TCP11L1: variants seen among roughly 807,000 people sequenced by gnomAD.
TCP11L1 encodes T-complex protein 11-like protein 1.
In TCP11L1, 28 loss-of-function variants were observed where a neutral mutation model predicts 48.9. The ratio of observed to expected loss-of-function variants is 0.57; its 90% CI spans 0.42 to 0.78. The LOEUF is 0.78. Ranked by LOEUF, TCP11L1 falls within the 30% of genes least tolerant of loss-of-function variation. The pLI is 0.00. For synonymous variants in TCP11L1, 204 were observed against 231.9 expected (o/e 0.88, Z 1.09); for missense variants, 505 against 613.4 (o/e 0.82, Z 1.87).
chr11:33,058,247 G>A (rs1370622522), intron 5 of TCP11L1, 108 bp downstream of exon 5: 1 of 1,047,402 alleles, frequency 9.5e-7, no homozygotes, highest in Non-Finnish European at 1.3e-6. Flanking sequence ...TGCAAAGGCT[G>A]GAGTGCAATG....
chr11:33,069,981 A>C (rs564944710), intron 9 of TCP11L1, among the ~76,000 whole-genome samples: 17 of 152,144 alleles, frequency 1.1e-4, no homozygotes, highest in African/African-American at 3.9e-4. Context: ...GCAAGTTGCT[A>C]CTCATCCTGC....
chr11:33,042,065 C>T (rs946309075), intron 1 of TCP11L1, among the ~76,000 whole-genome samples: 1 of 152,084 alleles, frequency 6.6e-6, no homozygotes, highest in Non-Finnish European at 1.5e-5. Flanking sequence ...CCAGAAACAC[C>T]CTAGGAAAAG....
chr11:33,058,808 C>T (rs1854390138), intron 5 of TCP11L1, 151 bp from the exon 6 acceptor site: 1 of 675,158 alleles, frequency 1.5e-6, no homozygotes, highest in Non-Finnish European at 2.4e-6. Context: ...GCTGCCCAGG[C>T]TGGTCTGGAA....
At chr11:33,062,706 A>G (rs1002194617) in intron 7 of TCP11L1, among the ~76,000 whole-genome samples, 5 of 152,158 alleles carry the variant, frequency 3.3e-5, no homozygotes, top group Non-Finnish European at 7.4e-5. Context: ...GGCAGCCACC[A>G]TTCTACTTTG....
rs1590248497 is a variant in TCP11L1, at chr11:33,072,655, T to C, written c.1509T>C (p.Ser503=). 1 of 1,614,004 alleles carries C rather than the reference T, an allele frequency of 6.2e-7. No individual in the cohort carries two copies. Among genetic ancestry groups the C allele is most frequent in the Admixed American group, 1.7e-5 (1 of 59,988 alleles). The part of the protein sequence containing the change: ...VFCPYYDAIL[S]KILVRS Reference sequence around the variant, plus strand: ...GTCCCTACTACGATGCAATCCTGAGTAAGATCCTCGTCCGATCCTAACGTG... The same window carrying C: ...GTCCCTACTACGATGCAATCCTGAGCAAGATCCTCGTCCGATCCTAACGTG... The change falls in exon 10 of 10, where the codon AGT becomes AGC. Residue 503 remains serine, a synonymous_variant. Coordinates refer to ENST00000334274, the MANE Select transcript of TCP11L1 (RefSeq NM_018393.4).
At chr11:33,058,877 T>C (rs1854392197) in intron 5 of TCP11L1, 82 bp from the exon 6 acceptor site, 2 of 1,501,150 alleles carry the variant, frequency 1.3e-6, no homozygotes, top group Admixed American at 1.9e-5. Flanking sequence ...ATTACAGGTG[T>C]GAGCCACGCG....
At chr11:33,063,422 C>A (rs943642044) in intron 7 of TCP11L1, among the ~76,000 whole-genome samples, 4 of 152,264 alleles carry the variant, frequency 2.6e-5, no homozygotes, top group Non-Finnish European at 5.9e-5. Context: ...GCAGCTGCAT[C>A]ATTTTACCAT....
intron 1 of TCP11L1, among the ~76,000 whole-genome samples, chr11:33,041,883 A>G (rs912255099): frequency 5.9e-5 from 9 of 152,216 alleles, no homozygotes; most frequent in African/African-American, 2.2e-4. Flanking sequence ...TATGCAGAAC[A>G]CAGTCTGCCA....
chr11:33,044,925 C>A (rs1418048376), intron 2 of TCP11L1, among the ~76,000 whole-genome samples: 1 of 152,142 alleles, frequency 6.6e-6, no homozygotes, highest in African/African-American at 2.4e-5. Context: ...TACAATATTT[C>A]TTGGGGTAGC....
chr11:33,072,753 A>G lies in TCP11L1; in HGVS notation c.*77A>G, dbSNP rs1854834447. 1 of 1,509,620 alleles carries G rather than the reference A, an allele frequency of 6.6e-7. No individual in the cohort carries two copies. Among genetic ancestry groups the G allele is most frequent in the Non-Finnish European group, 9.2e-7 (1 of 1,090,202 alleles). 93.5% of individuals were successfully genotyped at this position (1,509,620 alleles called of 1,614,324 possible). The stretch of plus-strand genomic sequence containing the variant: ...TTCTGTACTCTAATGTTGCATTGGA[A>G]AATGGCTATATAGTACATGTCTATT... On this transcript the variant is annotated 3_prime_UTR_variant, in exon 10 of 10. Transcript: ENST00000334274.
chr11:33,064,503 TCTC>T (rs1227991219), intron 7 of TCP11L1, among the ~76,000 whole-genome samples: 1 of 152,128 alleles, frequency 6.6e-6, no homozygotes, highest in Non-Finnish European at 1.5e-5. Flanking sequence ...GCCTTTCCCT[TCTC>T]CTTCCCTCAG....
rs1421406476 is a variant in TCP11L1, at chr11:33,054,639, G to A, written c.210G>A (p.Ala70=). 5.6e-6 allele frequency: 9 copies of A among 1,613,862 alleles called. No homozygotes were observed. The highest frequency in any genetic ancestry group is 1.7e-5 in the Admixed American group (1 of 59,956). The change falls in exon 3 of 10, where the codon GCG becomes GCA. Residue 70 remains alanine, a synonymous_variant. Coordinates refer to ENST00000334274, the MANE Select transcript of TCP11L1 (RefSeq NM_018393.4). ...CAGTAGAAGAACTTCTAGAGACAGC[G>A]AGAGGTGTCACCAACATGGCTCTAG... The part of the protein sequence containing the change: ...FVTVEELLET[A]RGVTNMALAH...
intron 7 of TCP11L1, among the ~76,000 whole-genome samples, chr11:33,064,848 A>G (rs899695065): frequency 1.3e-5 from 2 of 152,142 alleles, no homozygotes; most frequent in Admixed American, 6.5e-5. Context: ...GTGGCTATTC[A>G]CAGGCATAAT....
chr11:33,067,849 C>A (rs1854661992), intron 8 of TCP11L1, among the ~76,000 whole-genome samples: 1 of 152,146 alleles, frequency 6.6e-6, no homozygotes, highest in African/African-American at 2.4e-5. Context: ...CCAGGGTATC[C>A]AGGTACTCTT....
intron 9 of TCP11L1, among the ~76,000 whole-genome samples, chr11:33,069,205 G>T (rs934829603): frequency 3.3e-5 from 5 of 152,218 alleles, no homozygotes; most frequent in African/African-American, 4.8e-5. Flanking sequence ...GGGATGAGAA[G>T]GTGAAGCGCT....
intron 4 of TCP11L1, 67 bp downstream of exon 4, chr11:33,057,302 C>T: frequency 1.2e-6 from 2 of 1,600,526 alleles, no homozygotes; most frequent in South Asian, 1.1e-5. Context: ...CTTCTTGTGT[C>T]ACCACCAGAA....
At chr11:33,066,081 G>T in intron 8 of TCP11L1, 70 bp downstream of exon 8, 1 of 1,570,448 alleles carries the variant, frequency 6.4e-7, no homozygotes, top group African/African-American at 1.3e-5. Context: ...CTCCCAGAGG[G>T]GTCTCCCACT....
Position 33,058,963 on chromosome 11 carries a change from A to G in TCP11L1, c.643A>G (p.Ile215Val). 6.2e-7 allele frequency: 1 copy of G among 1,611,268 alleles called. No individual in the cohort carries two copies. Among genetic ancestry groups the G allele is most frequent in the Non-Finnish European group, 8.5e-7 (1 of 1,179,222 alleles). The change falls in exon 6 of 10, where the codon ATT (isoleucine) becomes GTT (valine). Residue 215 changes from isoleucine to valine, a missense_variant. Ile to Val is a conservative substitution (Grantham distance 29). Coordinates refer to ENST00000334274, the MANE Select transcript of TCP11L1 (RefSeq NM_018393.4). ...IKEIVPLFRE[I>V]FSVLDLMKVD... is the part of the protein sequence containing the mutation. ...CTAAATCCTTTTTTCTTTCAGAGAA[A>G]TTTTTTCTGTGTTGGACCTAATGAA...
intron 2 of TCP11L1, among the ~76,000 whole-genome samples, chr11:33,046,794 C>G (rs1211278426): frequency 2.0e-5 from 3 of 152,196 alleles, no homozygotes; most frequent in Admixed American, 6.5e-5. Flanking sequence ...ACATTTCCCC[C>G]AAACTCTGTA....
Sources: gnomAD v4.1 joint callset for allele counts (sites outside exome capture counted in the v4.1 genomes callset) on GRCh38, gnomAD v4.1.1 for gene constraint, MANE v1.5 for transcripts, NCBI Gene and HGNC (gene_info 2026-07-23, HGNC 2026-07-21) for gene names.